The following DEUP1 variants were observed in gnomAD, a reference collection of about 807,000 sequenced individuals.
DEUP1 encodes coiled-coil domain containing 67.
DEUP1 carries 82 observed loss-of-function variants against 87.4 expected under a neutral mutation model. The observed-to-expected ratio is 0.94, with a 90% CI of 0.78 to 1.13. The LOEUF is 1.13. DEUP1 is among the 50% of genes most tolerant of loss of function. The probability of loss-of-function intolerance (pLI) is 0.00; values close to 1 mark genes in which losing one functional copy is unlikely to be tolerated. For synonymous variants in DEUP1, 214 were observed against 222.7 expected, an observed-to-expected ratio of 0.96 and a Z score of 0.35; for missense variants, 663 against 681.5, an observed-to-expected ratio of 0.97 and a Z score of 0.30.
In DEUP1 at chr11:93,371,227, G is replaced by T; in HGVS notation, c.736G>T (p.Asp246Tyr). Residue 246 changes from aspartate to tyrosine, a missense_variant, in exon 7 of 14, where the codon GAT (aspartate) becomes TAT (tyrosine). Transcript: ENST00000298050. ...EIALSRNKLQDENQKLLQELK... is the reference protein window; with the variant it reads ...EIALSRNKLQYENQKLLQELK... Reference sequence around the variant, plus strand: ...AGCACTAAGCAGGAATAAATTACAAGATGAAAATCAGAAGCTCTTGCAAGA... The same window carrying T: ...AGCACTAAGCAGGAATAAATTACAATATGAAAATCAGAAGCTCTTGCAAGA... 2 of 1,613,282 alleles carry T rather than the reference G, an allele frequency of 1.2e-6. No individual in the cohort carries two copies. Among genetic ancestry groups the T allele is most frequent in the Non-Finnish European group, 1.7e-6 (2 of 1,179,602 alleles).
upstream of DEUP1, chr11:93,330,635 G>GC (rs1374962142): frequency 6.5e-6 from 1 of 152,828 alleles, no homozygotes; most frequent in Non-Finnish European, 1.5e-5. Context: ...CGTTGGTCGC[G>GC]CGGCGGGAGG....
chr11:93,335,115 C>T (rs1943687583), intron 2 of DEUP1, among the ~76,000 whole-genome samples: 1 of 152,214 alleles, frequency 6.6e-6, no homozygotes, highest in Non-Finnish European at 1.5e-5. Context: ...TTCTCACCAT[C>T]ATTTTCTAAA....
chr11:93,374,858 T>C (rs921089747), intron 7 of DEUP1, among the ~76,000 whole-genome samples: 1 of 152,234 alleles, frequency 6.6e-6, no homozygotes, highest in African/African-American at 2.4e-5. Flanking sequence ...ATTTGAAGAT[T>C]GATTTTGGGA....
chr11:93,400,320 C>A (rs1041120233), intron 11 of DEUP1, among the ~76,000 whole-genome samples: 2 of 152,140 alleles, frequency 1.3e-5, no homozygotes, highest in African/African-American at 4.8e-5. Flanking sequence ...TGTTTCATTG[C>A]CTCTTCCTGA....
intron 9 of DEUP1, among the ~76,000 whole-genome samples, chr11:93,392,500 A>G (rs2134353737): frequency 6.6e-6 from 1 of 152,368 alleles, no homozygotes; most frequent in East Asian, 1.9e-4. Flanking sequence ...TTAAAAAGAT[A>G]TATGAGCCAG....
intron 11 of DEUP1, among the ~76,000 whole-genome samples, chr11:93,407,953 G>A (rs1231823519): frequency 6.6e-6 from 1 of 151,810 alleles, no homozygotes; most frequent in African/African-American, 2.4e-5. Flanking sequence ...TTCTGTTTTG[G>A]GGCATGAGCA....
chr11:93,419,274 G>C (rs1947781128), intron 13 of DEUP1, among the ~76,000 whole-genome samples: 1 of 151,724 alleles, frequency 6.6e-6, no homozygotes, highest in African/African-American at 2.4e-5. Context: ...GGCTTATACA[G>C]CTTCAGGAAA....
At chr11:93,332,084 A>G in intron 1 of DEUP1, 132 bp from the exon 2 acceptor site, 1 of 519,868 alleles carries the variant, frequency 1.9e-6, no homozygotes. Flanking sequence ...AGGTTTCTAT[A>G]TTTTGTAGGA....
intron 7 of DEUP1, among the ~76,000 whole-genome samples, chr11:93,385,047 C>A (rs1326957067): frequency 2.0e-5 from 3 of 152,120 alleles, no homozygotes; most frequent in African/African-American, 7.2e-5. Flanking sequence ...CATGGTGAAA[C>A]CCCATCTCTA....
intron 2 of DEUP1, among the ~76,000 whole-genome samples, chr11:93,342,363 A>C (rs1944124937): frequency 6.6e-6 from 1 of 152,116 alleles, no homozygotes; most frequent in Non-Finnish European, 1.5e-5. Context: ...TCATTGACCA[A>C]AGTTGCTCCT....
At chr11:93,427,424 G>A (rs947601713) in intron 13 of DEUP1, among the ~76,000 whole-genome samples, 2 of 152,138 alleles carry the variant, frequency 1.3e-5, no homozygotes, top group African/African-American at 2.4e-5. Flanking sequence ...CTAGCCATAT[G>A]TAGAAAGCTG....
intron 13 of DEUP1, among the ~76,000 whole-genome samples, chr11:93,428,111 T>C (rs1278301095): frequency 1.3e-5 from 2 of 152,094 alleles, no homozygotes; most frequent in Non-Finnish European, 2.9e-5. Flanking sequence ...ACCCAAAGGA[T>C]TATAAATCAT....
intron 9 of DEUP1, among the ~76,000 whole-genome samples, chr11:93,391,842 A>T (rs892250055): frequency 6.6e-6 from 1 of 152,230 alleles, no homozygotes; most frequent in Non-Finnish European, 1.5e-5. Context: ...ATTGGAAGGT[A>T]AAAACTTGGA....
At chr11:93,340,152 A>G (rs1268707634) in intron 2 of DEUP1, among the ~76,000 whole-genome samples, 2 of 152,140 alleles carry the variant, frequency 1.3e-5, no homozygotes, top group African/African-American at 4.8e-5. Flanking sequence ...AATCTATATT[A>G]TGTTGGGGGT....
chr11:93,355,378 C>G lies in DEUP1; in HGVS notation c.37C>G (p.Pro13Ala), dbSNP rs924457929. The change falls in exon 3 of 14, where the codon CCT (proline) becomes GCT (alanine). Residue 13 changes from proline to alanine, a missense_variant. Transcript: ENST00000298050. ...CTTTCCTACAATTGCCAGAACTTCT[C>G]CTTGTGAGGCTGAGCTTCAGGAATT... ...NQAHNTMGTS[P>A]CEAELQELME... 1 of 1,612,782 alleles carries G rather than the reference C, an allele frequency of 6.2e-7. No homozygotes were observed. Among genetic ancestry groups the G allele is most frequent in the Middle Eastern group, 1.7e-4 (1 of 6,058 alleles).
intron 2 of DEUP1, among the ~76,000 whole-genome samples, chr11:93,354,216 T>C (rs528507770): frequency 2.2e-4 from 33 of 152,246 alleles, no homozygotes; most frequent in Admixed American, 2.0e-3. Context: ...GAAAAATGCC[T>C]CCAGTCTCTT....
At chr11:93,388,130 T>G (rs991398023) in intron 8 of DEUP1, among the ~76,000 whole-genome samples, 9 of 152,096 alleles carry the variant, frequency 5.9e-5, no homozygotes, top group Admixed American at 5.2e-4. Context: ...TTATAACAGA[T>G]CCTCTATTTT....
Position 93,357,020 on chromosome 11 carries a change from C to A in DEUP1, c.274C>A (p.Gln92Lys). The A allele has an allele frequency of 6.3e-7, 1 of 1,591,766 alleles. No individual in the cohort carries two copies. Among genetic ancestry groups the A allele is most frequent in the Non-Finnish European group, 8.6e-7 (1 of 1,168,326 alleles). ...AGCAATGACTCAGAATTATGAAGGA[C>A]AACTACAAAGCCTAAAGGCTCAAGT... ...NLAMTQNYEG[Q>K]LQSLKAQFSK... Residue 92 changes from glutamine (Q) to lysine (K), a missense_variant, in exon 4 of 14, where the codon CAA becomes AAA. Gln to Lys is a moderately conservative substitution (Grantham distance 53, BLOSUM62 1). Coordinates refer to ENST00000298050, the MANE Select transcript of DEUP1 (RefSeq NM_181645.4).
chr11:93,408,174 A>C (rs1159524944), intron 11 of DEUP1, 57 bp from the exon 12 acceptor site: 22 of 1,222,622 alleles, frequency 1.8e-5, no homozygotes, highest in African/African-American at 3.2e-5. Flanking sequence ...ACACACAGAA[A>C]ATATGCATTA....
Sources: gnomAD v4.1 joint callset for allele counts (sites outside exome capture counted in the v4.1 genomes callset) on GRCh38, gnomAD v4.1.1 for gene constraint, MANE v1.5 for transcripts, NCBI Gene and HGNC (gene_info 2026-07-23, HGNC 2026-07-21) for gene names.